CPQ: variants seen among roughly 807,000 people sequenced by gnomAD.
CPQ encodes Ser-Met dipeptidase.
A neutral mutation model predicts 45.7 loss-of-function variants in CPQ; 37 were observed. The ratio of observed to expected loss-of-function variants is 0.81; its 90% CI spans 0.62 to 1.07. CPQ has a LOEUF of 1.07. Among genes scored for constraint, CPQ ranks in the 50% least tolerant of loss-of-function variants. The probability of loss-of-function intolerance (pLI) is 0.00; values close to 1 mark genes in which losing one functional copy is unlikely to be tolerated. For missense variants in CPQ, 537 were observed against 572.9 expected (o/e 0.94, Z 0.64); for synonymous variants, 186 against 205.8 (o/e 0.90, Z 0.82).
chr8:96,976,309 T>C (rs1220956707), intron 5 of CPQ, among the ~76,000 whole-genome samples: 1 of 136,166 alleles, frequency 7.3e-6, no homozygotes, highest in Non-Finnish European at 1.6e-5. Context: ...GTGAAAGACC[T>C]CTACGAGTAA....
chr8:97,053,411 A>G (rs190104041), intron 6 of CPQ, among the ~76,000 whole-genome samples: 17 of 152,322 alleles, frequency 1.1e-4, no homozygotes, highest in Non-Finnish European at 2.1e-4. Flanking sequence ...ATAGAGGGGA[A>G]CAAGGCAGAC....
chr8:96,850,584 T>TTTATTTA (rs537840613), intron 3 of CPQ, among the ~76,000 whole-genome samples: 3 of 136,636 alleles, frequency 2.2e-5, no homozygotes, highest in African/African-American at 5.7e-5. Flanking sequence ...TTTTATTTTA[T>TTTATTTA]TTTATTTATT....
chr8:97,055,136 G>C (rs191895085), intron 6 of CPQ, among the ~76,000 whole-genome samples: 56 of 152,200 alleles, frequency 3.7e-4, no homozygotes, highest in Non-Finnish European at 1.8e-4. Context: ...GCCCTTAGAG[G>C]CTCTGTCTCT....
At chr8:97,121,790 A>C (rs1431890) in intron 7 of CPQ, among the ~76,000 whole-genome samples, 39,877 of 151,852 alleles carry the variant, frequency 0.26, 6,067 homozygotes, top group East Asian at 0.63. Context: ...AAACATAATG[A>C]AAAGAGAAAT....
chr8:97,031,979 T>C (rs1265632086), intron 6 of CPQ, among the ~76,000 whole-genome samples: 1 of 152,206 alleles, frequency 6.6e-6, no homozygotes, highest in Non-Finnish European at 1.5e-5. Flanking sequence ...AAGACTATAA[T>C]CATTTCAAAA....
At chr8:96,885,672 G>A (rs1812295004) in intron 4 of CPQ, among the ~76,000 whole-genome samples, 1 of 152,138 alleles carries the variant, frequency 6.6e-6, no homozygotes, top group Non-Finnish European at 1.5e-5. Flanking sequence ...TCATCCATAA[G>A]CCTGGACCGA....
rs575658741 is a variant in CPQ at position 96,840,968 on chromosome 8, G to A, written c.641+5788G>A. The stretch of plus-strand genomic sequence containing the variant: ...GGGCAAACTTCAGCTGAGCAGATTA[G>A]CCATCAAATTCTTCTTGTTGATGGG... On this transcript the variant is annotated intron_variant, in intron 3 of 7. Coordinates refer to ENST00000220763, the MANE Select transcript of CPQ (RefSeq NM_016134.4). Among the ~76,000 whole-genome samples the A allele has an allele frequency of 3.1e-3, 467 of 152,294 alleles. 1 individual carries two copies. The highest frequency in any genetic ancestry group is 0.01 in the African/African-American group (417 of 41,564).
intron 7 of CPQ, among the ~76,000 whole-genome samples, chr8:97,106,169 ATGTG>A (rs1811400721): frequency 6.6e-6 from 1 of 152,316 alleles, no homozygotes; most frequent in South Asian, 2.1e-4. Context: ...CTTAATTTAT[ATGTG>A]AGAATGAATG....
intron 4 of CPQ, among the ~76,000 whole-genome samples, chr8:96,888,033 C>A (rs550053199): frequency 6.6e-6 from 1 of 152,200 alleles, no homozygotes; most frequent in South Asian, 2.1e-4. Context: ...GATTTCTCAA[C>A]ATCATCTCTG....
At chr8:96,897,916 G>A (rs1812465046) in intron 4 of CPQ, among the ~76,000 whole-genome samples, 1 of 152,152 alleles carries the variant, frequency 6.6e-6, no homozygotes, top group African/African-American at 2.4e-5. Context: ...AGAAGAGGAG[G>A]TGTGATTCTC....
At chr8:97,097,458 G>A (rs190274891) in intron 7 of CPQ, among the ~76,000 whole-genome samples, 139 of 152,172 alleles carry the variant, frequency 9.1e-4, no homozygotes, top group Admixed American at 1.8e-3. Context: ...ACATATGCAA[G>A]TACGTATGTG....
intron 1 of CPQ, among the ~76,000 whole-genome samples, chr8:96,718,765 A>G (rs1454686590): frequency 6.6e-6 from 1 of 152,126 alleles, no homozygotes; most frequent in Non-Finnish European, 1.5e-5. Context: ...TGAGCTAGAC[A>G]CAAAGGTTCT....
At chr8:96,685,755 AG>A (rs1427699705) in intron 1 of CPQ, among the ~76,000 whole-genome samples, 1 of 152,092 alleles carries the variant, frequency 6.6e-6, no homozygotes, top group Non-Finnish European at 1.5e-5. Flanking sequence ...TGTTTCAAAT[AG>A]TGTTAATTGT....
intron 6 of CPQ, among the ~76,000 whole-genome samples, chr8:97,058,033 T>TAA (rs1223854217): frequency 6.6e-6 from 1 of 152,186 alleles, no homozygotes; most frequent in Non-Finnish European, 1.5e-5. Context: ...TAATTATTTC[T>TAA]AAAGTTGTGG....
chr8:96,991,746 G>T (rs192723860), intron 5 of CPQ, among the ~76,000 whole-genome samples: 1 of 152,080 alleles, frequency 6.6e-6, no homozygotes, highest in African/African-American at 2.4e-5. Context: ...GTATTAACTG[G>T]TTGGTTGACT....
In CPQ at chr8:97,002,344, T is replaced by C. The variant is rs187528119; in HGVS notation, c.962-27059T>C. Among the ~76,000 whole-genome samples the C allele has an allele frequency of 5.9e-5, 9 of 152,278 alleles. 1 individual carries two copies. The East Asian group carries it at 1.5e-3, about 26-fold the overall frequency. On this transcript the variant is annotated intron_variant, in intron 5 of 7. Transcript: ENST00000220763. ...GCTCTTGGTTCTCTAGTTCTTGTAG[T>C]GGTGATGTTAGGTTGTTAACTTGAG...
intron 5 of CPQ, among the ~76,000 whole-genome samples, chr8:96,974,396 T>C (rs1447492392): frequency 6.6e-6 from 1 of 152,144 alleles, no homozygotes; most frequent in African/African-American, 2.4e-5. Context: ...ACCTAAGTAG[T>C]GAGATAGACA....
rs145155571 is a variant in CPQ, at chr8:96,746,575, G to C, written c.-34-38289G>C. On this transcript the variant is annotated intron_variant, in intron 1 of 7. Coordinates refer to ENST00000220763, the MANE Select transcript of CPQ (RefSeq NM_016134.4). The stretch of plus-strand genomic sequence containing the variant: ...TGCTAATCCATCAAGTAACCATTTC[G>C]CCTTCTTTTAAAGCCCAGCCACAAG... Among the ~76,000 whole-genome samples, 720 of 152,158 alleles carry C rather than the reference G, an allele frequency of 4.7e-3. 11 individuals are homozygous for C. The highest frequency in any genetic ancestry group is 0.012 in the African/African-American group (507 of 41,536).
At chr8:97,041,439 AT>A (rs1810123669) in intron 6 of CPQ, among the ~76,000 whole-genome samples, 6 of 152,156 alleles carry the variant, frequency 3.9e-5, no homozygotes, top group Admixed American at 3.9e-4. Flanking sequence ...AACAGGGACA[AT>A]TTGACTTCCT....
Sources: gnomAD v4.1 joint callset for allele counts (sites outside exome capture counted in the v4.1 genomes callset) on GRCh38, gnomAD v4.1.1 for gene constraint, MANE v1.5 for transcripts, NCBI Gene and HGNC (gene_info 2026-07-23, HGNC 2026-07-21) for gene names.